The following CACNA2D1 variants were observed in gnomAD, a reference collection of about 807,000 sequenced individuals.
CACNA2D1 encodes voltage-dependent calcium channel subunit alpha-2/delta-1.
A neutral mutation model predicts 171.5 loss-of-function variants in CACNA2D1; 53 were observed. The ratio of observed to expected loss-of-function variants is 0.31; its 90% CI spans 0.25 to 0.39. The LOEUF is 0.39. CACNA2D1 is among the 10% of genes least tolerant of loss of function. The pLI is 1.00. For synonymous variants in CACNA2D1, 442 were observed against 443.1 expected, an observed-to-expected ratio of 1.00 and a Z score of 0.03; for missense variants, 903 against 1,299.8, an observed-to-expected ratio of 0.69 and a Z score of 4.69.
chr7:82,199,988 G>T (rs925054534), intron 3 of CACNA2D1, among the ~76,000 whole-genome samples: 1 of 152,010 alleles, frequency 6.6e-6, no homozygotes, highest in African/African-American at 2.4e-5. Context: ...AATACATACT[G>T]CATGGTTCCA....
chr7:82,349,140 T>C lies in CACNA2D1; in HGVS notation c.177+428A>G, dbSNP rs546937233. 5.9e-5 allele frequency among the ~76,000 whole-genome samples: 9 copies of C among 152,276 alleles called. No individual in the cohort carries two copies. The South Asian group carries it at 1.0e-3, about 18-fold the overall frequency. ...GACATGCCTGTAAACACTTTTCAAA[T>C]AATTTTTACCCTAATAGAATGAATA... On this transcript the variant is annotated intron_variant, in intron 2 of 38. Coordinates refer to ENST00000356860, the MANE Select transcript of CACNA2D1 (RefSeq NM_000722.4).
chr7:82,443,473 G>C lies in CACNA2D1; in HGVS notation c.-14C>G, dbSNP rs202040993. 1 of 1,606,380 alleles carries C rather than the reference G, an allele frequency of 6.2e-7. No homozygotes were observed. Among genetic ancestry groups the C allele is most frequent in the South Asian group, 1.1e-5 (1 of 90,198 alleles). On this transcript the variant is annotated 5_prime_UTR_variant, in exon 1 of 39. The change creates a new upstream start codon in the 5' untranslated region. Coordinates refer to ENST00000356860, the MANE Select transcript of CACNA2D1 (RefSeq NM_000722.4). ...GCCAGCAGCCATCTTCGCGATCGAA[G>C]ATCAATGCCCCCTCCCTGCCCAAGC...
intron 7 of CACNA2D1, among the ~76,000 whole-genome samples, chr7:82,075,616 A>C (rs942411233): frequency 6.6e-6 from 1 of 152,258 alleles, no homozygotes; most frequent in Admixed American, 6.5e-5. Context: ...TGCTAAAAAC[A>C]TAAAACAAAC....
chr7:82,094,312 G>A (rs1279358166), intron 6 of CACNA2D1, among the ~76,000 whole-genome samples: 1 of 152,048 alleles, frequency 6.6e-6, no homozygotes, highest in Non-Finnish European at 1.5e-5. Context: ...ATAAAGGTAT[G>A]AATGAACTCA....
At chr7:82,128,748 C>G (rs1790628796) in intron 5 of CACNA2D1, among the ~76,000 whole-genome samples, 1 of 152,072 alleles carries the variant, frequency 6.6e-6, no homozygotes, top group Admixed American at 6.5e-5. Context: ...ATCTCATGAC[C>G]TTCTTTGTAT....
At chr7:82,290,416 G>A (rs916999163) in intron 3 of CACNA2D1, among the ~76,000 whole-genome samples, 5 of 152,066 alleles carry the variant, frequency 3.3e-5, no homozygotes, top group African/African-American at 1.2e-4. Context: ...AGACGTAAGA[G>A]TCCAAGCTAA....
chr7:81,971,839 G>C lies in CACNA2D1; in HGVS notation c.2079C>G (p.Val693=). ...CATTTGTAAAGCCTGCATCAAGCAA[G>C]ACTCTATTAATCAAATCCGCGTTAC... ...PSCNADLINR[V]LLDAGFTNEL... is the part of the protein sequence containing the mutation. The change falls in exon 26 of 39, where the codon GTC becomes GTG. Residue 693 remains valine (V), a synonymous_variant. Transcript: ENST00000356860. The C allele has an allele frequency of 6.2e-7, 1 of 1,607,570 alleles. No individual in the cohort carries two copies. Among genetic ancestry groups the C allele is most frequent in the Non-Finnish European group, 8.5e-7 (1 of 1,174,880 alleles).
intron 10 of CACNA2D1, among the ~76,000 whole-genome samples, chr7:82,056,130 T>C (rs139536522): frequency 6.6e-6 from 1 of 151,100 alleles, no homozygotes; most frequent in African/African-American, 2.4e-5. Flanking sequence ...CTGCCTAATA[T>C]GAACCAGAAG....
chr7:82,229,614 A>G (rs1443328053), intron 3 of CACNA2D1, among the ~76,000 whole-genome samples: 1 of 152,074 alleles, frequency 6.6e-6, no homozygotes, highest in Non-Finnish European at 1.5e-5. Flanking sequence ...TTCTCATGCC[A>G]ACAATCCCAA....
chr7:82,084,938 T>C, intron 6 of CACNA2D1, 38 bp from the exon 7 acceptor site: 1 of 1,532,346 alleles, frequency 6.5e-7, no homozygotes, highest in Admixed American at 1.7e-5. Context: ...TAATTCAAAT[T>C]TGTAATTAAA....
intron 5 of CACNA2D1, among the ~76,000 whole-genome samples, chr7:82,123,344 G>A (rs1789962661): frequency 6.6e-6 from 1 of 152,108 alleles, no homozygotes; most frequent in South Asian, 2.1e-4. Flanking sequence ...CAGAAACTTA[G>A]GACTCAAAGT....
chr7:81,968,959 C>A lies in CACNA2D1; in HGVS notation c.2323G>T (p.Ala775Ser). The change falls in exon 29 of 39, where the codon GCC becomes TCC. Residue 775 changes from alanine to serine, a missense_variant. Physicochemically the swap from Ala to Ser is moderately conservative, Grantham distance 99. Transcript: ENST00000356860. ...APYFNKSGPG[A>S]YESGIMVSKA... Reference sequence around the variant, plus strand: ...CTTACCATAATGCCCGATTCATAGGCACCAGGTCCACTTTCTAAAAAAAAA... The same window carrying A: ...CTTACCATAATGCCCGATTCATAGGAACCAGGTCCACTTTCTAAAAAAAAA... 1 of 1,572,298 alleles carries A rather than the reference C, an allele frequency of 6.4e-7. No homozygotes were observed. Among genetic ancestry groups the A allele is most frequent in the Non-Finnish European group, 8.7e-7 (1 of 1,144,774 alleles).
intron 1 of CACNA2D1, among the ~76,000 whole-genome samples, chr7:82,409,481 C>A (rs1193384557): frequency 6.6e-6 from 1 of 152,150 alleles, no homozygotes; most frequent in Non-Finnish European, 1.5e-5. Context: ...AAACTAGTTA[C>A]TGTTAGGTTC....
At chr7:82,370,380 T>C (rs1045164638) in intron 1 of CACNA2D1, among the ~76,000 whole-genome samples, 15 of 151,998 alleles carry the variant, frequency 9.9e-5, no homozygotes, top group African/African-American at 3.4e-4. Flanking sequence ...TGGAGCAGTA[T>C]ACAGAGAACT....
At chr7:82,271,152 T>C (rs1265186533) in intron 3 of CACNA2D1, among the ~76,000 whole-genome samples, 1 of 152,090 alleles carries the variant, frequency 6.6e-6, no homozygotes, top group Non-Finnish European at 1.5e-5. Context: ...CTCTCAGAAG[T>C]GTCAATCTTC....
intron 3 of CACNA2D1, among the ~76,000 whole-genome samples, chr7:82,305,949 A>T (rs922684358): frequency 7.9e-5 from 12 of 152,322 alleles, no homozygotes; most frequent in African/African-American, 2.9e-4. Context: ...CTATCTGTGG[A>T]ATCCAATTGA....
At chr7:82,104,574 A>C (rs1813086230) in intron 6 of CACNA2D1, among the ~76,000 whole-genome samples, 1 of 151,952 alleles carries the variant, frequency 6.6e-6, no homozygotes, top group South Asian at 2.1e-4. Flanking sequence ...TAAAAATTTT[A>C]TTTCTTACCC....
chr7:82,035,757 GA>G (rs1410124570), intron 11 of CACNA2D1, among the ~76,000 whole-genome samples: 1 of 152,050 alleles, frequency 6.6e-6, no homozygotes, highest in Non-Finnish European at 1.5e-5. Flanking sequence ...CAAGATCAAG[GA>G]AACTCAATTA....
chr7:82,171,262 T>C (rs1795989214), intron 3 of CACNA2D1, among the ~76,000 whole-genome samples: 1 of 152,100 alleles, frequency 6.6e-6, no homozygotes, highest in African/African-American at 2.4e-5. Context: ...TTCCATTAAG[T>C]TCAGTGGGAG....
Sources: gnomAD v4.1 joint callset for allele counts (sites outside exome capture counted in the v4.1 genomes callset) on GRCh38, gnomAD v4.1.1 for gene constraint, MANE v1.5 for transcripts, NCBI Gene and HGNC (gene_info 2026-07-23, HGNC 2026-07-21) for gene names.